Variants in CTPS2 observed in about 807,000 individuals in gnomAD.
CTPS2 encodes the protein CTP synthase 2, also known as CTP synthase II.
In CTPS2, 19 loss-of-function variants were observed where a neutral mutation model predicts 46.8. The ratio of observed to expected loss-of-function variants is 0.41; its 90% confidence interval spans 0.28 to 0.60. CTPS2 has a LOEUF of 0.60. CTPS2 is among the 20% of genes least tolerant of loss of function. The pLI is 0.35. For missense variants in CTPS2, 286 were observed against 447.6 expected (o/e 0.64, Z 3.26); for synonymous variants, 151 against 165.2 (o/e 0.91, Z 0.66).
intron 17 of CTPS2, 140 bp downstream of exon 17, chrX:16,609,401 G>A (rs963659443): frequency 3.4e-6 from 2 of 595,704 alleles, no homozygotes; most frequent in Non-Finnish European, 5.2e-6. Context: ...TTTTCACAAA[G>A]AGAAGAAAAT....
At chrX:16,697,432 CTTTTT>C (rs5901594) in intron 4 of CTPS2, among the ~76,000 whole-genome samples, 9 of 59,594 alleles carry the variant, frequency 1.5e-4, no homozygotes, top group East Asian at 1.2e-3. Flanking sequence ...TCAAATACGA[CTTTTT>C]TTTTTTTTTT....
intron 14 of CTPS2, among the ~76,000 whole-genome samples, chrX:16,632,599 T>C (rs759441918): frequency 9.1e-6 from 1 of 110,426 alleles, no homozygotes; most frequent in Non-Finnish European, 1.9e-5. Context: ...AATTTTTGTA[T>C]TTTTAGTAGA....
chrX:16,669,836 G>C (rs1921578653), intron 11 of CTPS2, among the ~76,000 whole-genome samples: 1 of 110,645 alleles, frequency 9.0e-6, no homozygotes, highest in African/African-American at 3.3e-5. Flanking sequence ...TGAGTCCCCA[G>C]CTACAGGGCT....
chrX:16,660,224 T>TTTC (rs1186190688), intron 13 of CTPS2, among the ~76,000 whole-genome samples: 2 of 108,698 alleles, frequency 1.8e-5, no homozygotes, highest in Non-Finnish European at 3.8e-5. Context: ...TCTTTCTTTC[T>TTTC]TTCTTTTTTT....
intron 14 of CTPS2, among the ~76,000 whole-genome samples, chrX:16,622,876 C>G (rs1005092549): frequency 3.6e-5 from 4 of 111,524 alleles, no homozygotes; most frequent in African/African-American, 1.3e-4. Flanking sequence ...TATTATTTAA[C>G]CTCTCTACCT....
intron 4 of CTPS2, among the ~76,000 whole-genome samples, chrX:16,697,840 G>A (rs953746268): frequency 3.0e-4 from 34 of 111,672 alleles, no homozygotes; most frequent in Admixed American, 1.9e-4. Context: ...AAAGCACTTC[G>A]GAAATACTTT....
chrX:16,639,834 A>G (rs867344538), intron 13 of CTPS2, among the ~76,000 whole-genome samples: 3 of 109,355 alleles, frequency 2.7e-5, no homozygotes, highest in South Asian at 4.0e-4. Context: ...AGAAAGAAGA[A>G]AAGAAAAGGA....
chrX:16,594,789 T>C (rs1929137800), intron 17 of CTPS2, among the ~76,000 whole-genome samples: 1 of 112,560 alleles, frequency 8.9e-6, no homozygotes, highest in African/African-American at 3.2e-5. Context: ...GGTTCACTAA[T>C]TGTCTTTCAT....
chrX:16,689,708 T>A (rs1923533402), intron 7 of CTPS2, 107 bp from the exon 8 acceptor site: 1 of 674,071 alleles, frequency 1.5e-6, no homozygotes. Flanking sequence ...TACACTGATA[T>A]AACACACACA....
intron 17 of CTPS2, among the ~76,000 whole-genome samples, chrX:16,606,211 A>G (rs985043274): frequency 8.9e-6 from 1 of 112,545 alleles, no homozygotes; most frequent in African/African-American, 3.2e-5. Context: ...GGAAGTCATT[A>G]TTCTAGTGTT....
intron 16 of CTPS2, among the ~76,000 whole-genome samples, chrX:16,616,544 G>C (rs1930537774): frequency 8.9e-6 from 1 of 111,893 alleles, no homozygotes; most frequent in South Asian, 3.7e-4. Context: ...GCCTTTCCCA[G>C]AGCACCTAAC....
chrX:16,634,441 G>A (rs943703492), intron 14 of CTPS2, among the ~76,000 whole-genome samples: 13 of 111,368 alleles, frequency 1.2e-4, no homozygotes, highest in Non-Finnish European at 1.3e-4. Flanking sequence ...TATAGGAAAA[G>A]GCCTTTGCAG....
chrX:16,698,840 C>T (rs1389200926), intron 3 of CTPS2, 83 bp downstream of exon 3: 9 of 943,243 alleles, frequency 9.5e-6, no homozygotes, highest in Admixed American at 3.3e-5. Flanking sequence ...CCTGAGCCAC[C>T]GTGCCCGGCC....
intron 13 of CTPS2, among the ~76,000 whole-genome samples, chrX:16,644,302 T>C (rs773242709): frequency 9.1e-6 from 1 of 110,415 alleles, no homozygotes; most frequent in Non-Finnish European, 1.9e-5. Flanking sequence ...GCCCGGCTAA[T>C]TTTTTGGTAT....
intron 13 of CTPS2, among the ~76,000 whole-genome samples, chrX:16,664,289 C>T (rs757542812): frequency 8.9e-6 from 1 of 112,369 alleles, no homozygotes; most frequent in African/African-American, 3.2e-5. Flanking sequence ...CCATAGTTTT[C>T]CTGGCACAGC....
chrX:16,593,217 C>G (rs1386199140), intron 17 of CTPS2, among the ~76,000 whole-genome samples: 6 of 111,270 alleles, frequency 5.4e-5, no homozygotes, highest in Non-Finnish European at 1.1e-4. Flanking sequence ...ATCACGAGGT[C>G]AGGAGATCGA....
intron 14 of CTPS2, among the ~76,000 whole-genome samples, chrX:16,632,602 T>A (rs1931537745): frequency 9.1e-6 from 1 of 110,469 alleles, no homozygotes; most frequent in Non-Finnish European, 1.9e-5. Flanking sequence ...TTTTGTATTT[T>A]TAGTAGAGAC....
At chrX:16,597,298 G>T (rs1929342593) in intron 17 of CTPS2, among the ~76,000 whole-genome samples, 1 of 111,769 alleles carries the variant, frequency 8.9e-6, no homozygotes, top group African/African-American at 3.3e-5. Context: ...TAATGCCTAG[G>T]TTTTCTTCTA....
At chrX:16,634,988 T>C (rs927764964) in intron 14 of CTPS2, among the ~76,000 whole-genome samples, 3 of 109,359 alleles carry the variant, frequency 2.7e-5, no homozygotes, top group African/African-American at 9.9e-5. Context: ...ACTCTAGTCA[T>C]CCATCCACTG....
Sources: allele counts gnomAD v4.1 joint callset (sites outside exome capture counted in the v4.1 genomes callset), GRCh38; gene constraint gnomAD v4.1.1; transcripts MANE v1.5; gene names NCBI Gene and HGNC (gene_info 2026-07-23, HGNC 2026-07-21).